Variants in BCAS1 observed in about 807,000 individuals in gnomAD.
BCAS1 encodes breast carcinoma-amplified sequence 1.
Under a neutral mutation model 65.4 loss-of-function variants are expected in BCAS1, and 46 were observed. The ratio of observed to expected loss-of-function variants is 0.70; its 90% CI spans 0.55 to 0.90. The LOEUF (loss-of-function observed/expected upper bound fraction) is 0.90, where lower values mean the gene tolerates loss of function less well. BCAS1 is among the 40% of genes least tolerant of loss of function. The pLI, the probability that BCAS1 is intolerant of heterozygous loss-of-function variation, is 0.00. For missense variants in BCAS1, 793 were observed against 771.2 expected, an observed-to-expected ratio of 1.03 and a Z score of -0.33; for synonymous variants, 298 against 293.5, an observed-to-expected ratio of 1.02 and a Z score of -0.16.
chr20:53,980,349 G>A (rs1295913907), intron 8 of BCAS1, among the ~76,000 whole-genome samples: 1 of 152,142 alleles, frequency 6.6e-6, no homozygotes, highest in Non-Finnish European at 1.5e-5. Flanking sequence ...ACAGCTCCTT[G>A]CAATATGTTT....
At chr20:53,997,166 A>T (rs1473329131) in intron 4 of BCAS1, among the ~76,000 whole-genome samples, 2 of 152,188 alleles carry the variant, frequency 1.3e-5, no homozygotes, top group Non-Finnish European at 2.9e-5. Flanking sequence ...TTTACTTCTC[A>T]GTCTTTGTGC....
At position 54,058,136 on chromosome 20, in the gene BCAS1, T is replaced by C; in HGVS notation, c.91A>G (p.Asn31Asp). ...GTCGACACCACCACTGGAACCCCGTTCAGAGCAGACGCGTTGTCCTGAAAC... is the reference window on the plus strand; with the variant it reads ...GTCGACACCACCACTGGAACCCCGTCCAGAGCAGACGCGTTGTCCTGAAAC... Reference protein sequence around the residue: ...ETYQDNASALNGVPVVVSTHT... With the variant: ...ETYQDNASALDGVPVVVSTHT... The change falls in exon 3 of 13, where the codon AAC becomes GAC. Residue 31 changes from asparagine to aspartate, a missense_variant. Asn to Asp is a conservative substitution (Grantham distance 23). Transcript: ENST00000688948. 1 of 1,613,998 alleles carries C rather than the reference T, an allele frequency of 6.2e-7. No individual in the cohort carries two copies. The highest frequency in any genetic ancestry group is 8.5e-7 in the Non-Finnish European group (1 of 1,179,984).
At chr20:54,000,917 C>A (rs1259056982) in intron 4 of BCAS1, among the ~76,000 whole-genome samples, 1 of 151,984 alleles carries the variant, frequency 6.6e-6, no homozygotes, top group African/African-American at 2.4e-5. Context: ...TATTTTTTTG[C>A]CAATTCTAAC....
At chr20:54,015,333 CT>C (rs557558034) in intron 4 of BCAS1, among the ~76,000 whole-genome samples, 1,506 of 147,852 alleles carry the variant, frequency 0.01, 28 homozygotes, top group African/African-American at 0.034. Context: ...TGCCCAAACT[CT>C]TTTTTTTTTT....
At chr20:53,988,548 G>A (rs931322459) in intron 7 of BCAS1, among the ~76,000 whole-genome samples, 11 of 151,954 alleles carry the variant, frequency 7.2e-5, no homozygotes, top group African/African-American at 1.9e-4. Context: ...ACATATTTTC[G>A]GGGGGTCCAT....
intron 4 of BCAS1, among the ~76,000 whole-genome samples, chr20:54,022,460 C>A (rs2091582520): frequency 6.6e-6 from 1 of 152,188 alleles, no homozygotes; most frequent in Non-Finnish European, 1.5e-5. Context: ...TTTAGCATGA[C>A]TACTACTGAT....
At position 53,985,306 on chromosome 20, in the gene BCAS1, C is replaced by A; in HGVS notation, c.1256G>T (p.Gly419Val). 6.2e-7 allele frequency: 1 copy of A among 1,613,514 alleles called. No homozygotes were observed. The highest frequency in any genetic ancestry group is 1.7e-5 in the Admixed American group (1 of 60,006). Residue 419 changes from glycine to valine, a missense_variant, in exon 8 of 13, where the codon GGC becomes GTC. Gly to Val is a moderately radical substitution (Grantham distance 109). Transcript: ENST00000688948. ...ACTTACCTTTTTCCAAAACAGTTTG[C>A]CCAGAGGCAGAGAGGTGGGTCCTGA... ...EKSGPTSLPL[G>V]KLFWKKSVKE...
rs987119828 is a variant in BCAS1, at chr20:53,955,212, C to T, written c.1552-1517G>A. Among the ~76,000 whole-genome samples, 15 of 152,172 alleles carry T rather than the reference C, an allele frequency of 9.9e-5. 2 individuals carry two copies. The highest frequency in any genetic ancestry group is 2.0e-4 in the Admixed American group (3 of 15,282). On this transcript the variant is annotated intron_variant, in intron 11 of 12. Transcript: ENST00000688948. ...GGGAAGACAAACAGCAGAGACTCCC[C>T]GGTCCAGAAGGCCTCCACCGGTGCT... is the stretch of plus-strand genomic sequence containing the variant.
intron 4 of BCAS1, among the ~76,000 whole-genome samples, chr20:54,010,419 T>C (rs750873966): frequency 6.6e-6 from 1 of 152,112 alleles, no homozygotes; most frequent in Non-Finnish European, 1.5e-5. Flanking sequence ...AAGATAAACA[T>C]GTAAAAATGA....
intron 8 of BCAS1, among the ~76,000 whole-genome samples, chr20:53,984,069 G>A (rs537290281): frequency 1.3e-5 from 2 of 152,076 alleles, no homozygotes; most frequent in African/African-American, 2.4e-5. Flanking sequence ...ATTTAACCTT[G>A]AGCAAAACAT....
intron 12 of BCAS1, among the ~76,000 whole-genome samples, chr20:53,952,550 C>T (rs2089561362): frequency 6.6e-6 from 1 of 152,262 alleles, no homozygotes; most frequent in Admixed American, 6.5e-5. Context: ...AGTCTCCTTA[C>T]TCCCAGTGTC....
chr20:53,976,093 G>C (rs1275559940), intron 8 of BCAS1, among the ~76,000 whole-genome samples: 1 of 152,194 alleles, frequency 6.6e-6, no homozygotes, highest in Non-Finnish European at 1.5e-5. Flanking sequence ...ACTCCCAGGA[G>C]TAATTCTGGC....
intron 8 of BCAS1, among the ~76,000 whole-genome samples, chr20:53,982,999 T>C (rs1423231140): frequency 6.6e-6 from 1 of 152,226 alleles, no homozygotes; most frequent in Non-Finnish European, 1.5e-5. Context: ...TTCATATTTT[T>C]AATGATATAC....
chr20:53,962,853 TTTTA>T (rs1351210890), intron 10 of BCAS1, among the ~76,000 whole-genome samples: 2 of 152,118 alleles, frequency 1.3e-5, no homozygotes, highest in Non-Finnish European at 2.9e-5. Flanking sequence ...CTTTTCCTAT[TTTTA>T]TTTATTTATT....
intron 4 of BCAS1, among the ~76,000 whole-genome samples, chr20:54,006,070 A>C (rs1301535238): frequency 2.0e-5 from 3 of 152,230 alleles, no homozygotes; most frequent in Non-Finnish European, 4.4e-5. Context: ...GATGGTGGGC[A>C]CAGGGCAAAG....
rs577716613 is a variant in BCAS1, at chr20:53,969,765, A to G, written c.1318-2692T>C. Among the ~76,000 whole-genome samples, 3 of 152,274 alleles carry G rather than the reference A, an allele frequency of 2.0e-5. No homozygotes were observed. The South Asian group carries it at 6.2e-4, about 32-fold the overall frequency. On this transcript the variant is annotated intron_variant, in intron 9 of 12. Transcript: ENST00000688948. ...TAAAAAATAGCTGCCACAATTCCAG[A>G]TATCACATCCTCAATCCAATGTTCT...
chr20:54,040,173 T>C lies in BCAS1; in HGVS notation c.143-11201A>G, dbSNP rs978633431. Among the ~76,000 whole-genome samples the C allele has an allele frequency of 4.6e-5, 7 of 151,490 alleles. 2 individuals are homozygous for C. The highest frequency in any genetic ancestry group is 1.0e-4 in the Non-Finnish European group (7 of 67,698). ...ATCCTAAACTGGTGCTATATTTCTA[T>C]AGAATAGAGGCACAGATGTAGAAGT... is the stretch of plus-strand genomic sequence containing the variant. On this transcript the variant is annotated intron_variant, in intron 3 of 12. Coordinates refer to ENST00000688948, the MANE Select transcript of BCAS1 (RefSeq NM_001366298.2).
intron 1 of BCAS1, among the ~76,000 whole-genome samples, chr20:54,066,329 C>G (rs1460268773): frequency 6.6e-6 from 1 of 152,190 alleles, no homozygotes; most frequent in Non-Finnish European, 1.5e-5. Flanking sequence ...GCCTTGGCCT[C>G]CCAAAGTGCT....
intron 12 of BCAS1, among the ~76,000 whole-genome samples, chr20:53,948,993 A>G (rs1301283260): frequency 6.6e-6 from 1 of 152,146 alleles, no homozygotes; most frequent in African/African-American, 2.4e-5. Context: ...TCCCTTTTCA[A>G]GCCTCCATTT....
Sources: allele counts gnomAD v4.1 joint callset (sites outside exome capture counted in the v4.1 genomes callset), GRCh38; gene constraint gnomAD v4.1.1; transcripts MANE v1.5; gene names NCBI Gene and HGNC (gene_info 2026-07-23, HGNC 2026-07-21).